The following SEM1 variants were observed in gnomAD, a reference collection of about 807,000 sequenced individuals.
SEM1 encodes SEM1 26S proteasome subunit, also known as 26S proteasome complex subunit SEM1.
In SEM1, 3 loss-of-function variants were observed where a neutral mutation model predicts 12.7. The observed-to-expected ratio is 0.24, with a 90% CI of 0.11 to 0.61. The LOEUF is 0.61. Ranked by LOEUF, SEM1 falls within the 20% of genes least tolerant of loss-of-function variation. The probability of loss-of-function intolerance (pLI) is 0.88; values close to 1 mark genes in which losing one functional copy is unlikely to be tolerated. For synonymous variants in SEM1, 30 were observed against 27.8 expected, an observed-to-expected ratio of 1.08 and a Z score of -0.25; for missense variants, 59 against 81.3, an observed-to-expected ratio of 0.73 and a Z score of 1.06.
chr7:96,683,492 T>C lies in SEM1; in HGVS notation c.171-9633A>G, dbSNP rs555900337. ...TCAGTGTGGCGATTCCTCAAGGATC[T>C]AGAACCAGAAATACCATTTGGCCCA... is the stretch of plus-strand genomic sequence containing the variant. On this transcript the variant is annotated intron_variant, in intron 2 of 2. Transcript: ENST00000413065. Among the ~76,000 whole-genome samples the C allele has an allele frequency of 1.1e-4, 16 of 152,306 alleles. 1 individual carries two copies. In the South Asian group the frequency reaches 3.3e-3, roughly 32 times the overall value.
chr7:96,523,393 GATTACTAT>G (rs905333212), intron 2 of SEM1, among the ~76,000 whole-genome samples: 41 of 152,058 alleles, frequency 2.7e-4, no homozygotes, highest in African/African-American at 9.7e-4. Context: ...GCGGGGCTTA[GATTACTAT>G]ATAAATAGTC....
intron 2 of SEM1, among the ~76,000 whole-genome samples, chr7:96,568,465 T>G (rs1387031440): frequency 6.6e-6 from 1 of 151,816 alleles, no homozygotes; most frequent in East Asian, 1.9e-4. Context: ...ATTTAGGAAT[T>G]TCACACTTTA....
intron 2 of SEM1, among the ~76,000 whole-genome samples, chr7:96,531,606 GA>G (rs5885966): frequency 0.82 from 106,346 of 129,718 alleles, 45,022 homozygotes; most frequent in Non-Finnish European, 0.95. Flanking sequence ...ACTCTGTGTG[GA>G]AAAAAAAAAA....
intron 2 of SEM1, among the ~76,000 whole-genome samples, chr7:96,594,424 C>T (rs1439386162): frequency 1.3e-5 from 2 of 152,020 alleles, no homozygotes; most frequent in Non-Finnish European, 2.9e-5. Context: ...AAAAAATTAG[C>T]TTGAAGCTCC....
At chr7:96,556,846 G>T (rs1805520430) in intron 2 of SEM1, among the ~76,000 whole-genome samples, 1 of 129,044 alleles carries the variant, frequency 7.7e-6, no homozygotes, top group African/African-American at 2.9e-5. Context: ...CGTAGATTTG[G>T]TCTTTTCACA....
In SEM1 at chr7:96,709,693, G is replaced by A. The variant is rs779890818; in HGVS notation, c.71C>T (p.Ala24Val). ...AACCGGGGCCCAGCGGTTACCTTCG[G>A]CAGGGAACTCTTCAAACTCGTCGTC... ...EEDDEFEEFPAEDWAGLDEDE... is the reference protein window; with the variant it reads ...EEDDEFEEFPVEDWAGLDEDE... Residue 24 changes from alanine (A) to valine (V), a missense_variant, in exon 1 of 3, where the codon GCC (alanine) becomes GTC (valine). Ala to Val is a moderately conservative substitution (Grantham distance 64). Transcript: ENST00000248566. 13 of 1,613,258 alleles carry A rather than the reference G, an allele frequency of 8.1e-6. No homozygotes were observed. Among genetic ancestry groups the A allele is most frequent in the Middle Eastern group, 1.7e-4 (1 of 6,054 alleles).
intron 2 of SEM1, among the ~76,000 whole-genome samples, chr7:96,534,291 G>A (rs1804724505): frequency 6.6e-6 from 1 of 152,066 alleles, no homozygotes; most frequent in Non-Finnish European, 1.5e-5. Flanking sequence ...CTGCCACTGT[G>A]AGCTTGACAG....
chr7:96,622,052 T>A (rs1479389427), downstream of SEM1: 1 of 152,388 alleles, frequency 6.6e-6, no homozygotes, highest in Non-Finnish European at 1.5e-5. Context: ...TCAGGAGAAG[T>A]AAGCCAGTAA....
chr7:96,599,108 CTT>C (rs1454589623), intron 2 of SEM1, among the ~76,000 whole-genome samples: 2 of 152,060 alleles, frequency 1.3e-5, no homozygotes, highest in Admixed American at 6.6e-5. Flanking sequence ...AAGAGGCTCT[CTT>C]AGAGCAGAGA....
rs903235991 is a variant in SEM1, at chr7:96,650,429, G to A, written c.171-27786C>T. 31 of 715,556 alleles carry A rather than the reference G, an allele frequency of 4.3e-5. No individual in the cohort carries two copies. The East Asian group carries it at 6.0e-4, about 14-fold the overall frequency. 44.3% of individuals were successfully genotyped at this position (715,556 alleles called of 1,614,324 possible). A position where few individuals can be genotyped will look rare whatever the true frequency, so the allele number is the denominator to read the frequency against. Reference sequence around the variant, plus strand: ...TCTCCAGGCAGTAGATGGGCACCTCGCCCAATGTGTCCTTCATCTGACTTG... The same window carrying A: ...TCTCCAGGCAGTAGATGGGCACCTCACCCAATGTGTCCTTCATCTGACTTG... On this transcript the variant is annotated intron_variant, in intron 2 of 2. Transcript: ENST00000417009.
chr7:96,652,828 C>T (rs1205311742), intron 2 of SEM1, among the ~76,000 whole-genome samples: 4 of 152,118 alleles, frequency 2.6e-5, no homozygotes, highest in Non-Finnish European at 5.9e-5. Context: ...AGTCTGTGAA[C>T]GGAATAAAAA....
At chr7:96,602,081 G>C (rs894488641) in intron 2 of SEM1, among the ~76,000 whole-genome samples, 3 of 152,200 alleles carry the variant, frequency 2.0e-5, no homozygotes, top group African/African-American at 7.2e-5. Flanking sequence ...CATTAACAAT[G>C]TCTGTTGGAC....
At chr7:96,502,433 A>G (rs1218190157) in intron 3 of SEM1, among the ~76,000 whole-genome samples, 3 of 152,142 alleles carry the variant, frequency 2.0e-5, no homozygotes, top group Non-Finnish European at 2.9e-5. Context: ...TGTGAGTCAG[A>G]CTAGGTTTGA....
intron 2 of SEM1, among the ~76,000 whole-genome samples, chr7:96,643,691 A>C (rs1450828159): frequency 6.6e-6 from 1 of 152,148 alleles, no homozygotes; most frequent in Non-Finnish European, 1.5e-5. Flanking sequence ...AATTCTCAGC[A>C]AACTAACACA....
chr7:96,575,230 G>C (rs1806167480), intron 2 of SEM1, among the ~76,000 whole-genome samples: 3 of 152,192 alleles, frequency 2.0e-5, no homozygotes, highest in Admixed American at 2.0e-4. Context: ...CCCCTCTGCT[G>C]TAGGTCTGCT....
chr7:96,501,631 G>A (rs923878657), intron 3 of SEM1, among the ~76,000 whole-genome samples: 1 of 152,056 alleles, frequency 6.6e-6, no homozygotes, highest in Admixed American at 6.6e-5. Context: ...AAAATTTATT[G>A]GATGTTTAGT....
chr7:96,549,524 T>C (rs1244412518), intron 2 of SEM1, among the ~76,000 whole-genome samples: 1 of 152,196 alleles, frequency 6.6e-6, no homozygotes. Flanking sequence ...TTTAGATTAA[T>C]ATGAGCAGGG....
intron 2 of SEM1, among the ~76,000 whole-genome samples, chr7:96,628,197 A>G (rs1808132808): frequency 1.3e-5 from 2 of 151,806 alleles, no homozygotes; most frequent in Non-Finnish European, 2.9e-5. Flanking sequence ...TGACAGATCA[A>G]TGGATCTTTT....
intron 2 of SEM1, among the ~76,000 whole-genome samples, chr7:96,508,812 C>T (rs996044485): frequency 6.6e-6 from 1 of 152,060 alleles, no homozygotes; most frequent in Non-Finnish European, 1.5e-5. Flanking sequence ...GGTAGAGCTA[C>T]TGTGGAGAAT....
Sources: allele counts gnomAD v4.1 joint callset (sites outside exome capture counted in the v4.1 genomes callset), GRCh38; gene constraint gnomAD v4.1.1; transcripts MANE v1.5; gene names NCBI Gene and HGNC (gene_info 2026-07-23, HGNC 2026-07-21).